Variants in URB2 observed in about 807,000 individuals in gnomAD.
The protein encoded by URB2 is unhealthy ribosome biogenesis protein 2 homolog.
A neutral mutation model predicts 120.9 loss-of-function variants in URB2; 86 were observed. The observed-to-expected ratio is 0.71, with a 90% CI of 0.60 to 0.85. URB2 has a LOEUF of 0.85. Ranked by LOEUF, URB2 falls within the 40% of genes least tolerant of loss-of-function variation. URB2 has a pLI of 0.00. For missense variants in URB2, 1,765 were observed against 1,836.5 expected, an observed-to-expected ratio of 0.96 and a Z score of 0.71; for synonymous variants, 755 against 758.4, an observed-to-expected ratio of 1.00 and a Z score of 0.07.
chr1:229,650,377 A>T (rs1358432993), intron 7 of URB2, among the ~76,000 whole-genome samples: 1 of 152,134 alleles, frequency 6.6e-6, no homozygotes, highest in Non-Finnish European at 1.5e-5. Flanking sequence ...TGTGGTTGTG[A>T]TTCAGACCTA....
intron 4 of URB2, among the ~76,000 whole-genome samples, chr1:229,642,484 A>G (rs1338806776): frequency 6.6e-6 from 1 of 152,230 alleles, no homozygotes; most frequent in Non-Finnish European, 1.5e-5. Flanking sequence ...GCAGGAAGGT[A>G]TTCTGGCAAT....
Position 229,636,279 on chromosome 1 carries a change from C to T in URB2, c.1666C>T (p.Leu556=), listed in dbSNP as rs779878305. The change falls in exon 4 of 10, where the codon CTG becomes TTG. Residue 556 remains leucine, a synonymous_variant. Transcript: ENST00000258243. ...CTGCATCATGTTCAACATGAGGAGC[C>T]TGGACAGCAGCACGCCTCTGCCCAT... is the stretch of plus-strand genomic sequence containing the variant. The part of the protein sequence containing the change: ...LHCIMFNMRS[L]DSSTPLPIVR... 5 of 1,613,994 alleles carry T rather than the reference C, an allele frequency of 3.1e-6. No individual in the cohort carries two copies.
At chr1:229,632,980 A>G (rs570769185) in intron 3 of URB2, among the ~76,000 whole-genome samples, 1 of 152,356 alleles carries the variant, frequency 6.6e-6, no homozygotes, top group South Asian at 2.1e-4. Flanking sequence ...ATACCATGAG[A>G]ATAGCTAGAT....
chr1:229,654,428 T>G, intron 9 of URB2, 40 bp downstream of exon 9: 1 of 1,612,374 alleles, frequency 6.2e-7, no homozygotes, highest in Non-Finnish European at 8.5e-7. Context: ...GTACTGTGTT[T>G]ATGGTCCTTA....
chr1:229,640,053 G>A (rs1025998686), intron 4 of URB2, among the ~76,000 whole-genome samples: 8 of 152,194 alleles, frequency 5.3e-5, no homozygotes, highest in African/African-American at 1.7e-4. Flanking sequence ...ATACATGCGT[G>A]CAGACAAAGG....
chr1:229,639,511 A>G (rs1309311880), intron 4 of URB2, among the ~76,000 whole-genome samples: 1 of 151,652 alleles, frequency 6.6e-6, no homozygotes, highest in East Asian at 1.9e-4. Context: ...ATTTTTTTGT[A>G]TTTTTTAGTA....
intron 9 of URB2, among the ~76,000 whole-genome samples, chr1:229,655,512 G>A (rs544135047): frequency 6.6e-6 from 1 of 152,224 alleles, no homozygotes; most frequent in Non-Finnish European, 1.5e-5. Flanking sequence ...AGGATTACAG[G>A]TGTGAGCCAC....
rs773874122 is a variant in URB2, at chr1:229,635,338, G to A, written c.725G>A (p.Arg242Gln). The change falls in exon 4 of 10, where the codon CGA becomes CAA. Residue 242 changes from arginine to glutamine, a missense_variant. By Grantham distance (43) the Arg-to-Gln change is conservative. Transcript: ENST00000258243. The stretch of plus-strand genomic sequence containing the variant: ...AGGAGTCAGATTGAGGCCATGTTCC[G>A]AGGAGGGATTTTTCAGCCTGAGCTA... ...DIRSQIEAMF[R>Q]GGIFQPELLS... The A allele has an allele frequency of 9.3e-6, 15 of 1,614,050 alleles. No individual in the cohort carries two copies. Among genetic ancestry groups the A allele is most frequent in the East Asian group, 2.2e-5 (1 of 44,894 alleles).
chr1:229,634,777 G>A (rs1258743933), intron 3 of URB2, 140 bp from the exon 4 acceptor site: 2 of 745,318 alleles, frequency 2.7e-6, no homozygotes, highest in East Asian at 5.8e-5. Context: ...CAGGTTCATT[G>A]AAATATGGTA....
At position 229,627,653 on chromosome 1, in the gene URB2, G is replaced by A. The variant is rs779299168; in HGVS notation, c.20G>A (p.Gly7Asp). 6.2e-7 allele frequency: 1 copy of A among 1,612,236 alleles called. No individual in the cohort carries two copies. The highest frequency in any genetic ancestry group is 8.5e-7 in the Non-Finnish European group (1 of 1,179,166). The change falls in exon 2 of 10, where the codon GGC (glycine) becomes GAC (aspartate). Residue 7 changes from glycine (G) to aspartate (D), a missense_variant. Physicochemically the swap from Gly to Asp is moderately conservative, Grantham distance 94. Coordinates refer to ENST00000258243, the MANE Select transcript of URB2 (RefSeq NM_014777.4). The stretch of plus-strand genomic sequence containing the variant: ...CTAGCCATGGCTGCTGTTTATTCTG[G>A]CATTTCCCTTAAGCTTAAAAGCAAG... The part of the protein sequence containing the change: MAAVYS[G>D]ISLKLKSKTT...
rs758079967 is a variant in URB2 at position 229,637,149 on chromosome 1, C to G, written c.2536C>G (p.His846Asp). ...QQLPWLFEKD[H>D]MVVGHWENRF... is the part of the protein sequence containing the mutation. ...GCTTCCCTGGCTTTTTGAAAAGGAC[C>G]ACATGGTTGTGGGTCATTGGGAAAA... Residue 846 changes from histidine (H) to aspartate (D), a missense_variant, in exon 4 of 10, where the codon CAC becomes GAC. His to Asp is a moderately conservative substitution (Grantham distance 81). Coordinates refer to ENST00000258243, the MANE Select transcript of URB2 (RefSeq NM_014777.4). The G allele has an allele frequency of 1.2e-6, 2 of 1,613,590 alleles. No individual in the cohort carries two copies. Among genetic ancestry groups the G allele is most frequent in the Admixed American group, 3.3e-5 (2 of 59,932 alleles).
chr1:229,653,994 T>C (rs536037097), intron 8 of URB2, among the ~76,000 whole-genome samples: 13 of 150,956 alleles, frequency 8.6e-5, no homozygotes, highest in African/African-American at 3.2e-4. Context: ...AAAATCTTGA[T>C]TACTTTTCTG....
chr1:229,643,274 C>T (rs1273391224), intron 4 of URB2, among the ~76,000 whole-genome samples: 1 of 152,236 alleles, frequency 6.6e-6, no homozygotes, highest in Non-Finnish European at 1.5e-5. Flanking sequence ...TTCTGTGGTT[C>T]AGGTTTACCT....
Position 229,635,211 on chromosome 1 carries a change from C to G in URB2, c.598C>G (p.His200Asp). 1.2e-6 allele frequency: 2 copies of G among 1,614,232 alleles called. No homozygotes were observed. Among genetic ancestry groups the G allele is most frequent in the Non-Finnish European group, 1.7e-6 (2 of 1,180,052 alleles). The change falls in exon 4 of 10, where the codon CAC becomes GAC. Residue 200 changes from histidine (H) to aspartate (D), a missense_variant. Transcript: ENST00000258243. ...ACGTGCCTTTGGGGATGTGACTGCT[C>G]ACCTGCTCCAGCCGTGCCTGGTCCT... Reference protein sequence around the residue: ...PRRAFGDVTAHLLQPCLVLRH... With the variant: ...PRRAFGDVTADLLQPCLVLRH...
At chr1:229,639,311 A>T (rs1298674847) in intron 4 of URB2, among the ~76,000 whole-genome samples, 3 of 151,524 alleles carry the variant, frequency 2.0e-5, no homozygotes, top group Non-Finnish European at 4.4e-5. Context: ...AAAATAAATT[A>T]AAAAAAGTAC....
At chr1:229,641,484 A>G (rs947954915) in intron 4 of URB2, among the ~76,000 whole-genome samples, 2 of 152,030 alleles carry the variant, frequency 1.3e-5, no homozygotes, top group Non-Finnish European at 2.9e-5. Flanking sequence ...GGCCTCTTCC[A>G]CCTGAGCTGT....
rs753434775 is a variant in URB2 at position 229,632,391 on chromosome 1, G to A, written c.249G>A (p.Leu83=). The part of the protein sequence containing the change: ...YIDNILHSRK[L]QNLLKNGKTI... Reference sequence around the variant, plus strand: ...ATAACATTTTACATAGCAGAAAATTGCAGAATCTCCTCAAGAATGGAAAGA... The same window carrying A: ...ATAACATTTTACATAGCAGAAAATTACAGAATCTCCTCAAGAATGGAAAGA... The change falls in exon 3 of 10, where the codon TTG becomes TTA. Residue 83 remains leucine (L), a synonymous_variant. Transcript: ENST00000258243. 2.5e-6 allele frequency: 4 copies of A among 1,583,922 alleles called. No individual in the cohort carries two copies. Among genetic ancestry groups the A allele is most frequent in the Non-Finnish European group, 2.6e-6 (3 of 1,170,054 alleles).
chr1:229,645,113 C>A (rs557946284), intron 5 of URB2, among the ~76,000 whole-genome samples: 24 of 151,992 alleles, frequency 1.6e-4, no homozygotes, highest in Admixed American at 1.5e-3. Flanking sequence ...AGTGAAACCC[C>A]GTCCCTGCTA....
At chr1:229,647,860 A>G (rs1666190107) in intron 7 of URB2, 108 bp downstream of exon 7, 1 of 1,479,446 alleles carries the variant, frequency 6.8e-7, no homozygotes, top group East Asian at 2.3e-5. Flanking sequence ...TAATAATACA[A>G]ATAACGATTT....
Sources: gnomAD v4.1 joint callset for allele counts (sites outside exome capture counted in the v4.1 genomes callset) on GRCh38, gnomAD v4.1.1 for gene constraint, MANE v1.5 for transcripts, NCBI Gene and HGNC (gene_info 2026-07-23, HGNC 2026-07-21) for gene names.